The following ARSJ variants were observed in gnomAD, a reference collection of about 807,000 sequenced individuals.
ARSJ encodes the protein arylsulfatase family member J, also known as arylsulfatase J.
ARSJ carries 26 observed loss-of-function variants against 35.9 expected under a neutral mutation model. The ratio of observed to expected loss-of-function variants is 0.72; its 90% CI spans 0.53 to 1.00. The LOEUF (loss-of-function observed/expected upper bound fraction) is 1.00, where lower values mean the gene tolerates loss of function less well. Among genes scored for constraint, ARSJ ranks in the 50% least tolerant of loss-of-function variants. ARSJ has a pLI of 0.00. For synonymous variants in ARSJ, 294 were observed against 267.6 expected, an observed-to-expected ratio of 1.10 and a Z score of -0.96; for missense variants, 667 against 723.6, an observed-to-expected ratio of 0.92 and a Z score of 0.90.
intron 1 of ARSJ, among the ~76,000 whole-genome samples, chr4:113,924,501 C>T (rs4385143): frequency 0.16 from 24,653 of 152,022 alleles, 2,450 homozygotes; most frequent in Middle Eastern, 0.31. Context: ...TATTAACCAT[C>T]ACAAGTCCAC....
intron 1 of ARSJ, among the ~76,000 whole-genome samples, chr4:113,952,674 AC>A (rs1475282052): frequency 4.6e-5 from 7 of 151,926 alleles, no homozygotes; most frequent in African/African-American, 1.7e-4. Flanking sequence ...GGAATGGTCG[AC>A]CCCTGGTTAG....
intron 1 of ARSJ, among the ~76,000 whole-genome samples, chr4:113,966,968 T>G (rs539487394): frequency 2.6e-5 from 4 of 152,270 alleles, no homozygotes; most frequent in African/African-American, 7.2e-5. Context: ...AAGCATATCA[T>G]GGTATCTCCT....
chr4:113,945,402 T>C (rs1245878515), intron 1 of ARSJ, among the ~76,000 whole-genome samples: 1 of 152,108 alleles, frequency 6.6e-6, no homozygotes, highest in East Asian at 1.9e-4. Flanking sequence ...CCTCCTAAAG[T>C]GCTGGAATTA....
At chr4:113,977,895 A>AG (rs1018195935) in intron 1 of ARSJ, among the ~76,000 whole-genome samples, 1 of 152,186 alleles carries the variant, frequency 6.6e-6, no homozygotes, top group Non-Finnish European at 1.5e-5. Context: ...GGCCTTCATT[A>AG]GGGGGTCTCA....
chr4:113,973,084 A>G (rs1334410501), intron 1 of ARSJ, among the ~76,000 whole-genome samples: 5 of 152,242 alleles, frequency 3.3e-5, no homozygotes, highest in Admixed American at 3.3e-4. Context: ...CGTCTTTGCT[A>G]CTATTTCTCT....
intron 1 of ARSJ, among the ~76,000 whole-genome samples, chr4:113,969,732 A>G (rs902683627): frequency 1.3e-5 from 2 of 152,196 alleles, no homozygotes; most frequent in African/African-American, 2.4e-5. Context: ...CTTACTATAA[A>G]TTATATGCTA....
At chr4:113,914,402 T>A (rs1562338286) in intron 1 of ARSJ, among the ~76,000 whole-genome samples, 1 of 152,204 alleles carries the variant, frequency 6.6e-6, no homozygotes, top group Non-Finnish European at 1.5e-5. Context: ...CTTTGTACCT[T>A]TGACTTTCAA....
At chr4:113,921,916 G>A (rs2149259110) in intron 1 of ARSJ, among the ~76,000 whole-genome samples, 1 of 152,236 alleles carries the variant, frequency 6.6e-6, no homozygotes, top group African/African-American at 2.4e-5. Context: ...TGGGCAAATA[G>A]TTTAGTCTAT....
In ARSJ at chr4:113,902,299, C is replaced by G; in HGVS notation, c.1775G>C (p.Cys592Ser). ...TTATCCACAAGTAACACCTGAATGG[C>G]AAGTTGAACCTGAGACTGCTTTCTG... ...KQQKAVSGSTCHSGVTCG is the reference protein window; with the variant it reads ...KQQKAVSGSTSHSGVTCG Residue 592 changes from cysteine (C) to serine (S), a missense_variant, in exon 2 of 2, where the codon TGC (cysteine) becomes TCC (serine). Coordinates refer to ENST00000315366, the MANE Select transcript of ARSJ (RefSeq NM_024590.4). 1 of 1,611,910 alleles carries G rather than the reference C, an allele frequency of 6.2e-7. No homozygotes were observed. Among genetic ancestry groups the G allele is most frequent in the African/African-American group, 1.3e-5 (1 of 75,048 alleles).
At chr4:113,948,818 G>C (rs1405422833) in intron 1 of ARSJ, among the ~76,000 whole-genome samples, 1 of 152,086 alleles carries the variant, frequency 6.6e-6, no homozygotes, top group Non-Finnish European at 1.5e-5. Context: ...TTGGTATTTG[G>C]CTTTGTTCTT....
At chr4:113,933,332 T>C (rs1471686436) in intron 1 of ARSJ, among the ~76,000 whole-genome samples, 4 of 151,818 alleles carry the variant, frequency 2.6e-5, no homozygotes, top group Middle Eastern at 3.2e-3. Flanking sequence ...GAAAAGGGAA[T>C]ATATTAAAGC....
intron 1 of ARSJ, among the ~76,000 whole-genome samples, chr4:113,924,842 T>C (rs1723951839): frequency 6.6e-6 from 1 of 152,146 alleles, no homozygotes; most frequent in Non-Finnish European, 1.5e-5. Context: ...GCTGGTCACA[T>C]GGTCGTAGCT....
intron 1 of ARSJ, among the ~76,000 whole-genome samples, chr4:113,955,743 C>T (rs1726140747): frequency 1.3e-5 from 2 of 151,960 alleles, no homozygotes; most frequent in Admixed American, 1.3e-4. Context: ...GAGCACACAG[C>T]AAAAAACTTT....
At position 113,903,189 on chromosome 4, in the gene ARSJ, G is replaced by A; in HGVS notation, c.885C>T (p.Ala295=). Residue 295 remains alanine (A), a synonymous_variant, in exon 2 of 2, where the codon GCC becomes GCT. Coordinates refer to ENST00000315366, the MANE Select transcript of ARSJ (RefSeq NM_024590.4). ...IININRRRYA[A]MLSCLDEAIN... ...TTGCTTCATCTAAGCAGGAAAGCAT[G>A]GCAGCATATCTCCTCCTGTTTATGT... 6.2e-7 allele frequency: 1 copy of A among 1,614,116 alleles called. No individual in the cohort carries two copies. Among genetic ancestry groups the A allele is most frequent in the Non-Finnish European group, 8.5e-7 (1 of 1,179,984 alleles).
At chr4:113,917,647 T>C (rs1360836517) in intron 1 of ARSJ, among the ~76,000 whole-genome samples, 1 of 152,190 alleles carries the variant, frequency 6.6e-6, no homozygotes, top group Non-Finnish European at 1.5e-5. Flanking sequence ...CTATTTCCCT[T>C]TGAAATTTAC....
In ARSJ at chr4:113,971,630, C is replaced by T. The variant is rs77926730; in HGVS notation, c.398+6807G>A. Among the ~76,000 whole-genome samples, 2,040 of 152,268 alleles carry T rather than the reference C, an allele frequency of 0.013. 115 individuals carry two copies. In the East Asian group the frequency reaches 0.16, roughly 12 times the overall value. ...AAGCCACCCTCTCCACTTGTTATAT[C>T]CATTTTCCAGAGTCAAAGTAAGGCT... On this transcript the variant is annotated intron_variant, in intron 1 of 1. Transcript: ENST00000315366.
At chr4:113,926,065 T>C (rs1724038801) in intron 1 of ARSJ, among the ~76,000 whole-genome samples, 1 of 152,128 alleles carries the variant, frequency 6.6e-6, no homozygotes, top group Non-Finnish European at 1.5e-5. Context: ...GAGTCGTGTC[T>C]ACAGAATGGG....
intron 1 of ARSJ, among the ~76,000 whole-genome samples, chr4:113,950,144 C>T (rs1336655366): frequency 6.6e-6 from 1 of 152,080 alleles, no homozygotes; most frequent in South Asian, 2.1e-4. Flanking sequence ...TTACACGGCC[C>T]TAATAATGTG....
intron 1 of ARSJ, among the ~76,000 whole-genome samples, chr4:113,959,527 G>C (rs11098217): frequency 0.046 from 7,027 of 152,106 alleles, 549 homozygotes; most frequent in African/African-American, 0.15. Flanking sequence ...CTGGGTAAGA[G>C]AGAACCAGCA....
Sources: allele counts gnomAD v4.1 joint callset (sites outside exome capture counted in the v4.1 genomes callset), GRCh38; gene constraint gnomAD v4.1.1; transcripts MANE v1.5; gene names NCBI Gene and HGNC (gene_info 2026-07-23, HGNC 2026-07-21).